The following FSCN1 variants were observed in gnomAD, a reference collection of about 807,000 sequenced individuals.
FSCN1 encodes the protein fascin.
FSCN1 carries 10 observed loss-of-function variants against 39.7 expected under a neutral mutation model. That is an observed-to-expected ratio of 0.25 (90% CI 0.16 to 0.43). The LOEUF is 0.43. Ranked by LOEUF, FSCN1 falls within the 20% of genes least tolerant of loss-of-function variation. The pLI, the probability that FSCN1 is intolerant of heterozygous loss-of-function variation, is 1.00. For missense variants in FSCN1, 525 were observed against 723.8 expected (o/e 0.73, Z 3.15); for synonymous variants, 322 against 320.0 (o/e 1.01, Z -0.07).
chr7:5,597,323 C>T (rs545724203), intron 1 of FSCN1, among the ~76,000 whole-genome samples: 332 of 152,250 alleles, frequency 2.2e-3, no homozygotes, highest in African/African-American at 7.3e-3. Flanking sequence ...GAGCCGAGAT[C>T]GTGCCACTGC....
Position 5,603,516 on chromosome 7 carries a change from A to T in FSCN1, c.1010A>T (p.Asp337Val). 6.2e-7 allele frequency: 1 copy of T among 1,614,106 alleles called. No individual in the cohort carries two copies. The highest frequency in any genetic ancestry group is 8.5e-7 in the Non-Finnish European group (1 of 1,180,014). Residue 337 changes from aspartate (D) to valine (V), a missense_variant, in exon 3 of 5, where the codon GAC becomes GTC. Physicochemically the swap from Asp to Val is radical, Grantham distance 152 (BLOSUM62 -3). Around this residue, in one of 3 missense-constraint regions of FSCN1, gnomAD observed 275 missense variants for 351.9 expected, o/e 0.78. Transcript: ENST00000382361. The surrounding 1 kb of genome is among the most constrained non-coding windows in gnomAD (Gnocchi z 8.5). ...CCCAGGAATGCCAGCTGCTACTTTGACATCGAGTGGCGTGACCGGCGCATC... is the reference window on the plus strand; with the variant it reads ...CCCAGGAATGCCAGCTGCTACTTTGTCATCGAGTGGCGTGACCGGCGCATC... ...ASSKNASCYFDIEWRDRRITL... is the reference protein window; with the variant it reads ...ASSKNASCYFVIEWRDRRITL...
chr7:5,600,295 TCCCAGC>T (rs1423775019), intron 1 of FSCN1, among the ~76,000 whole-genome samples: 1 of 150,910 alleles, frequency 6.6e-6, no homozygotes, highest in Non-Finnish European at 1.5e-5. Flanking sequence ...GTGCCTGTAA[TCCCAGC>T]TACTCAGGAG....
chr7:5,593,713 C>T lies in FSCN1; in HGVS notation c.777C>T (p.Ser259=), dbSNP rs1785675403. 3 of 1,593,898 alleles carry T rather than the reference C, an allele frequency of 1.9e-6. No homozygotes were observed. The highest frequency in any genetic ancestry group is 1.3e-5 in the African/African-American group (1 of 74,732). The change falls in exon 1 of 5, where the codon AGC becomes AGT. Residue 259 remains serine, a synonymous_variant. Coordinates refer to ENST00000382361, the MANE Select transcript of FSCN1 (RefSeq NM_003088.4). The part of the protein sequence containing the change: ...GKDELFALEQ[S]CAQVVLQAAN... The stretch of plus-strand genomic sequence containing the variant: ...ACGAGCTCTTTGCTCTGGAGCAGAG[C>T]TGCGCCCAGGTCGTGCTGCAGGCGG...
At chr7:5,596,119 C>CG (rs1785726042) in intron 1 of FSCN1, among the ~76,000 whole-genome samples, 1 of 128,688 alleles carries the variant, frequency 7.8e-6, no homozygotes, top group Non-Finnish European at 1.6e-5. Context: ...AGCCAACTCC[C>CG]GGGGGGCTTT....
chr7:5,602,099 T>C (rs1047696377), intron 1 of FSCN1, among the ~76,000 whole-genome samples: 10 of 151,770 alleles, frequency 6.6e-5, no homozygotes, highest in African/African-American at 2.2e-4. Flanking sequence ...AGAGACGGGG[T>C]GACTCCATGT....
rs975934158 is a variant in FSCN1, at chr7:5,599,215, C to T, written c.833-4042C>T. On this transcript the variant is annotated intron_variant, in intron 1 of 4. Transcript: ENST00000382361. This position sits in a 1 kb window ranked among gnomAD's most constrained non-coding sequence, Gnocchi z 5.6. ...CCCACCCAGTGCGGTGGATGCTCGT[C>T]GGAGGGCAGAGGGTGGGCTACCGGC... Among the ~76,000 whole-genome samples, 7 of 151,992 alleles carry T rather than the reference C, an allele frequency of 4.6e-5. No homozygotes were observed. Among genetic ancestry groups the T allele is most frequent in the Non-Finnish European group, 7.4e-5 (5 of 67,966 alleles).
At chr7:5,595,633 G>A (rs374398239) in intron 1 of FSCN1, among the ~76,000 whole-genome samples, 1 of 152,216 alleles carries the variant, frequency 6.6e-6, no homozygotes, top group Non-Finnish European at 1.5e-5. Flanking sequence ...GTGGACCAGC[G>A]TTGTAGGCTG....
chr7:5,601,900 G>T (rs533354495), intron 1 of FSCN1, among the ~76,000 whole-genome samples: 1 of 151,948 alleles, frequency 6.6e-6, no homozygotes, highest in African/African-American at 2.4e-5. Context: ...GGAAGGGGAC[G>T]TGTAGGACTT....
intron 1 of FSCN1, among the ~76,000 whole-genome samples, chr7:5,600,524 G>A (rs1200015183): frequency 6.6e-6 from 1 of 152,096 alleles, no homozygotes; most frequent in Admixed American, 6.5e-5. Context: ...ACAGAGTCTT[G>A]CTCTGTCGCC....
chr7:5,602,203 G>GCC (rs1394305501), intron 1 of FSCN1, among the ~76,000 whole-genome samples: 41 of 147,052 alleles, frequency 2.8e-4, no homozygotes, highest in Middle Eastern at 3.4e-3. Flanking sequence ...ACTGTGCCTG[G>GCC]CCCCTTTTTT....
chr7:5,594,043 TAA>T (rs1785682427), intron 1 of FSCN1: 2 of 336,994 alleles, frequency 5.9e-6, no homozygotes, highest in Admixed American at 6.4e-5. Flanking sequence ...TGCACCCTCC[TAA>T]CCCCCCCCCC....
rs148420171 is a variant in FSCN1 at position 5,600,215 on chromosome 7, C to T, written c.833-3042C>T. Among the ~76,000 whole-genome samples, 454 of 152,058 alleles carry T rather than the reference C, an allele frequency of 3.0e-3. 5 individuals carry two copies. The East Asian group carries it at 0.051, about 17-fold the overall frequency. On this transcript the variant is annotated intron_variant, in intron 1 of 4. Coordinates refer to ENST00000382361, the MANE Select transcript of FSCN1 (RefSeq NM_003088.4). Reference sequence around the variant, plus strand: ...TCACCTGAGGTCAGGAGTTTGAGACCGGCCTGGCCAACATAATGAAACTCC... The same window carrying T: ...TCACCTGAGGTCAGGAGTTTGAGACTGGCCTGGCCAACATAATGAAACTCC...
chr7:5,603,979 A>T lies in FSCN1; in HGVS notation c.1228A>T (p.Ser410Cys). 6.2e-7 allele frequency: 1 copy of T among 1,614,014 alleles called. No individual in the cohort carries two copies. The highest frequency in any genetic ancestry group is 8.5e-7 in the Non-Finnish European group (1 of 1,180,024). The change falls in exon 4 of 5, where the codon AGC (serine) becomes TGC (cysteine). Residue 410 changes from serine to cysteine, a missense_variant. By Grantham distance (112) the Ser-to-Cys change is moderately radical (BLOSUM62 -1). This residue lies in a region of FSCN1 where 275 missense variants were observed against 351.9 expected (regional missense o/e 0.78). Transcript: ENST00000382361. The surrounding 1 kb of genome is among the most constrained non-coding windows in gnomAD (Gnocchi z 8.5). Reference protein sequence around the residue: ...VTGTLDANRSSYDVFQLEFND... With the variant: ...VTGTLDANRSCYDVFQLEFND... The stretch of plus-strand genomic sequence containing the variant: ...GGGCACCCTGGACGCCAACCGCTCC[A>T]GCTATGACGTCTTCCAGCTGGAGTT...
In FSCN1 at chr7:5,599,116, C is replaced by T. The variant is rs1394343123; in HGVS notation, c.833-4141C>T. 0.014 allele frequency among the ~76,000 whole-genome samples: 2 copies of T among 146 alleles called. No homozygotes were observed. Among genetic ancestry groups the T allele is most frequent in the South Asian group, 0.1 (1 of 10 alleles). The allele number at this position is 146 out of a possible 152,430, so 0.1% of individuals were successfully genotyped here. A position where few individuals can be genotyped will look rare whatever the true frequency, so the allele number is the denominator to read the frequency against. ...CTGGGGTGTGGCCTTAGGATGGTCC[C>T]GGCACCCTGGGACCCAGCCCCTGCT... On this transcript the variant is annotated intron_variant, in intron 1 of 4. Coordinates refer to ENST00000382361, the MANE Select transcript of FSCN1 (RefSeq NM_003088.4). The surrounding 1 kb of genome is among the most constrained non-coding windows in gnomAD (Gnocchi z 5.6).
chr7:5,598,295 A>G (rs1785766750), intron 1 of FSCN1, among the ~76,000 whole-genome samples: 1 of 152,244 alleles, frequency 6.6e-6, no homozygotes, highest in Non-Finnish European at 1.5e-5. Context: ...GATTGAACGC[A>G]ACAGGCTGAT....
rs1206239429 is a variant in FSCN1 at position 5,593,465 on chromosome 7, A to G, written c.529A>G (p.Ile177Val). The change falls in exon 1 of 5, where the codon ATC becomes GTC. Residue 177 changes from isoleucine (I) to valine (V), a missense_variant. By Grantham distance (29) the Ile-to-Val change is conservative. Coordinates refer to ENST00000382361, the MANE Select transcript of FSCN1 (RefSeq NM_003088.4). Reference protein sequence around the residue: ...RDVPWGVDSLITLAFQDQRYS... With the variant: ...RDVPWGVDSLVTLAFQDQRYS... ...CGTGCCCTGGGGCGTCGACTCGCTC[A>G]TCACCCTCGCCTTCCAGGACCAGCG... 3 of 1,611,626 alleles carry G rather than the reference A, an allele frequency of 1.9e-6. No individual in the cohort carries two copies. The highest frequency in any genetic ancestry group is 2.2e-5 in the East Asian group (1 of 44,878).
rs778370452 is a variant in FSCN1 at position 5,603,558 on chromosome 7, A to T, written c.1052A>T (p.Asn351Ile). ...RDRRITLRAS[N>I]GKFVTSKKNG... Reference sequence around the variant, plus strand: ...CGGCGCATCACACTGAGGGCGTCCAATGGCAAGTTTGTGACCTCCAAGAAG... The same window carrying T: ...CGGCGCATCACACTGAGGGCGTCCATTGGCAAGTTTGTGACCTCCAAGAAG... The change falls in exon 3 of 5, where the codon AAT becomes ATT. Residue 351 changes from asparagine (N) to isoleucine (I), a missense_variant. Asn to Ile is a moderately radical substitution (Grantham distance 149). This residue lies in a region of FSCN1 where 275 missense variants were observed against 351.9 expected (regional missense o/e 0.78). Transcript: ENST00000382361. This position sits in a 1 kb window ranked among gnomAD's most constrained non-coding sequence, Gnocchi z 8.5. 1 of 1,614,088 alleles carries T rather than the reference A, an allele frequency of 6.2e-7. No homozygotes were observed. Among genetic ancestry groups the T allele is most frequent in the Admixed American group, 1.7e-5 (1 of 60,020 alleles).
chr7:5,593,037 A>G lies in FSCN1; in HGVS notation c.101A>G (p.Asn34Ser). The G allele has an allele frequency of 2.5e-6, 4 of 1,599,610 alleles. No individual in the cohort carries two copies. The highest frequency in any genetic ancestry group is 3.4e-6 in the Non-Finnish European group (4 of 1,173,904). Residue 34 changes from asparagine (N) to serine (S), a missense_variant, in exon 1 of 5, where the codon AAC becomes AGC. Physicochemically the swap from Asn to Ser is conservative, Grantham distance 46 (BLOSUM62 1). Around this residue, in one of 3 missense-constraint regions of FSCN1, gnomAD observed 246 missense variants for 350.6 expected, o/e 0.70. Transcript: ENST00000382361. ...LTAEAFGFKV[N>S]ASASSLKKKQ... ...GCCGAGGCGTTCGGGTTCAAGGTGA[A>G]CGCGTCCGCCAGCAGCCTGAAGAAG... is the stretch of plus-strand genomic sequence containing the variant.
At position 5,593,456 on chromosome 7, in the gene FSCN1, G is replaced by T. The variant is rs1377921462; in HGVS notation, c.520G>T (p.Asp174Tyr). ...GGACCGCGACGTGCCCTGGGGCGTC[G>T]ACTCGCTCATCACCCTCGCCTTCCA... ...AVDRDVPWGV[D>Y]SLITLAFQDQ... Residue 174 changes from aspartate (D) to tyrosine (Y), a missense_variant, in exon 1 of 5, where the codon GAC (aspartate) becomes TAC (tyrosine). Asp to Tyr is a radical substitution (Grantham distance 160). Transcript: ENST00000382361. 4 of 1,611,794 alleles carry T rather than the reference G, an allele frequency of 2.5e-6. No individual in the cohort carries two copies. The African/African-American group carries it at 5.3e-5, about 21-fold the overall frequency.
Sources: allele counts gnomAD v4.1 joint callset (sites outside exome capture counted in the v4.1 genomes callset), GRCh38; gene constraint gnomAD v4.1.1; regional missense constraint gnomAD v4.1.1; non-coding constraint Gnocchi (gnomAD v3.1); transcripts MANE v1.5; gene names NCBI Gene and HGNC (gene_info 2026-07-23, HGNC 2026-07-21).